PLXNB3: variants seen among roughly 807,000 people sequenced by gnomAD.
PLXNB3 encodes plexin B3, also known as plexin-B3.
Under a neutral mutation model 125.7 loss-of-function variants are expected in PLXNB3, and 80 were observed. The observed-to-expected ratio is 0.64, with a 90% CI of 0.53 to 0.77. PLXNB3 has a LOEUF of 0.77. PLXNB3 is among the 30% of genes least tolerant of loss of function. PLXNB3 has a pLI of 0.00. For missense variants in PLXNB3, 1,836 were observed against 1,729.3 expected, an observed-to-expected ratio of 1.06 and a Z score of -1.09; for synonymous variants, 954 against 783.3, an observed-to-expected ratio of 1.22 and a Z score of -3.64.
intron 29 of PLXNB3, 92 bp from the exon 30 acceptor site, chrX:153,777,116 C>T: frequency 9.6e-7 from 1 of 1,046,402 alleles, no homozygotes; most frequent in Non-Finnish European, 1.3e-6. Flanking sequence ...CTTCCAGTCC[C>T]CACACTGCCC....
Position 153,779,051 on chromosome X carries a change from G to C in PLXNB3, c.*12G>C. The C allele has an allele frequency of 8.9e-7, 1 of 1,121,052 alleles. No homozygotes were observed. Among genetic ancestry groups the C allele is most frequent in the Non-Finnish European group, 1.2e-6 (1 of 833,835 alleles). The allele number at this position is 1,121,052 out of a possible 1,213,427, so 92.4% of individuals were successfully genotyped here. A position where few individuals can be genotyped will look rare whatever the true frequency, so the allele number is the denominator to read the frequency against. ...TGACTGACCTGTGAGCTCTGGCTCA[G>C]ACAGCAGCAAGCCGGATCCACCAAC... On this transcript the variant is annotated 3_prime_UTR_variant, in exon 36 of 36. Coordinates refer to ENST00000361971, the MANE Select transcript of PLXNB3 (RefSeq NM_005393.3).
chrX:153,777,576 G>C lies in PLXNB3; in HGVS notation c.5149G>C (p.Val1717Leu), dbSNP rs142300328. 1 of 1,210,632 alleles carries C rather than the reference G, an allele frequency of 8.3e-7. No individual in the cohort carries two copies. The highest frequency in any genetic ancestry group is 1.7e-5 in the African/African-American group (1 of 57,542). The change falls in exon 31 of 36, where the codon GTG becomes CTG. Residue 1717 changes from valine to leucine, a missense_variant. Coordinates refer to ENST00000361971, the MANE Select transcript of PLXNB3 (RefSeq NM_005393.3). ...CGACACCTTCCAGGCCATTCTCAGC[G>C]TGAACCGGCCCATCCCCATCGCCGT... ...VDDTFQAILS[V>L]NRPIPIAVKY...
chrX:153,773,964 G>T lies in PLXNB3; in HGVS notation c.3385G>T (p.Val1129Leu). The change falls in exon 20 of 36, where the codon GTG becomes TTG. Residue 1129 changes from valine (V) to leucine (L), a missense_variant. By Grantham distance (32) the Val-to-Leu change is conservative. Coordinates refer to ENST00000361971, the MANE Select transcript of PLXNB3 (RefSeq NM_005393.3). ...PQRVFFTLDNVQVDFASASGG... is the reference protein window; with the variant it reads ...PQRVFFTLDNLQVDFASASGG... ...GCGGGTCTTCTTCACCCTAGACAAC[G>T]TGCAAGTGGACTTCGCCAGTGCCAG... The T allele has an allele frequency of 8.3e-7, 1 of 1,210,635 alleles. No homozygotes were observed. Among genetic ancestry groups the T allele is most frequent in the African/African-American group, 1.7e-5 (1 of 57,987 alleles).
intron 26 of PLXNB3, 21 bp from the exon 27 acceptor site, chrX:153,775,866 C>T (rs369749622): frequency 7.1e-5 from 85 of 1,191,630 alleles, no homozygotes; most frequent in Non-Finnish European, 9.1e-5. Flanking sequence ...TGGCTGATGC[C>T]GGCTCATCTT....
At position 153,769,040 on chromosome X, in the gene PLXNB3, C is replaced by T. The variant is rs781816521; in HGVS notation, c.1359C>T (p.Ser453=). The change falls in exon 5 of 36, where the codon AGC becomes AGT. Residue 453 remains serine, a synonymous_variant. Transcript: ENST00000361971. ...SAISPDLLLD[S]SGSHLYVLTA... is the part of the protein sequence containing the mutation. Reference sequence around the variant, plus strand: ...TCAGCCCAGACCTGCTGCTGGACAGCAGTGGCAGTCACCTCTATGTCCTGA... The same window carrying T: ...TCAGCCCAGACCTGCTGCTGGACAGTAGTGGCAGTCACCTCTATGTCCTGA... 8.3e-7 allele frequency: 1 copy of T among 1,210,903 alleles called. No individual in the cohort carries two copies. The highest frequency in any genetic ancestry group is 1.1e-6 in the Non-Finnish European group (1 of 894,710).
chrX:153,773,162 G>T, intron 17 of PLXNB3, 68 bp from the exon 18 acceptor site: 1 of 1,109,323 alleles, frequency 9.0e-7, no homozygotes, highest in Non-Finnish European at 1.2e-6. Flanking sequence ...CTCCTACGGG[G>T]GTTGGGCCAG....
At position 153,771,476 on chromosome X, in the gene PLXNB3, C is replaced by T. The variant is rs2091929547; in HGVS notation, c.2348-10C>T. ...AGGAGGCGCTCAGCACACTGCCTGA[C>T]CCTCCCTAGTGATCCTGTACGACTG... On this transcript the variant is annotated splice_polypyrimidine_tract_variant and intron_variant, in intron 13 of 35. Transcript: ENST00000361971. 1.7e-6 allele frequency: 2 copies of T among 1,207,488 alleles called. No homozygotes were observed. Among genetic ancestry groups the T allele is most frequent in the Non-Finnish European group, 2.2e-6 (2 of 893,186 alleles).
intron 14 of PLXNB3, 21 bp from the exon 15 acceptor site, chrX:153,771,843 G>A (rs1359886145): frequency 3.3e-6 from 4 of 1,201,744 alleles, no homozygotes; most frequent in Admixed American, 2.2e-5. Flanking sequence ...GACCCCATCT[G>A]CCATCATTTG....
In PLXNB3 at chrX:153,770,598, G is replaced by A. The variant is rs1557061397; in HGVS notation, c.1966G>A (p.Glu656Lys). 8.3e-7 allele frequency: 1 copy of A among 1,210,813 alleles called. No individual in the cohort carries two copies. Among genetic ancestry groups the A allele is most frequent in the East Asian group, 3.0e-5 (1 of 33,802 alleles). ...CPQSSHCVYG[E>K]HCPEGERTIY... The stretch of plus-strand genomic sequence containing the variant: ...GCAGAGTAGCCACTGCGTGTACGGA[G>A]AGCACTGCCCAGAGGGCGAGAGGAC... Residue 656 changes from glutamate to lysine, a missense_variant, in exon 10 of 36, where the codon GAG becomes AAG. Glu to Lys is a moderately conservative substitution (Grantham distance 56, BLOSUM62 1). Transcript: ENST00000361971.
intron 7 of PLXNB3, 51 bp downstream of exon 7, chrX:153,769,990 G>C: frequency 1.7e-6 from 2 of 1,191,626 alleles, no homozygotes; most frequent in Non-Finnish European, 2.3e-6. Context: ...CCACTGCCTG[G>C]AGCATGAACC....
chrX:153,770,420 C>G lies in PLXNB3; in HGVS notation c.1869C>G (p.Ala623=). 3 of 1,210,115 alleles carry G rather than the reference C, an allele frequency of 2.5e-6. No homozygotes were observed. Among genetic ancestry groups the G allele is most frequent in the Non-Finnish European group, 3.4e-6 (3 of 894,421 alleles). The change falls in exon 9 of 36, where the codon GCC becomes GCG. Residue 623 remains alanine, a synonymous_variant. Coordinates refer to ENST00000361971, the MANE Select transcript of PLXNB3 (RefSeq NM_005393.3). ...ACTTCTCCTTTTATGACTGCAGTGCCGTCCAGGCCTTGGAGGCGGCTGCCC... is the reference window on the plus strand; with the variant it reads ...ACTTCTCCTTTTATGACTGCAGTGCGGTCCAGGCCTTGGAGGCGGCTGCCC... The part of the protein sequence containing the change: ...ATNFSFYDCS[A]VQALEAAAPC...
At chrX:153,778,723 C>G in intron 35 of PLXNB3, 49 bp downstream of exon 35, 1 of 1,145,773 alleles carries the variant, frequency 8.7e-7, no homozygotes, top group Non-Finnish European at 1.2e-6. Context: ...GCGGGAGGCC[C>G]GTGGACCCTC....
rs782154430 is a variant in PLXNB3, at chrX:153,774,352, C to T, written c.3678+8C>T. 2.4e-5 allele frequency: 28 copies of T among 1,155,657 alleles called. No homozygotes were observed. Among genetic ancestry groups the T allele is most frequent in the South Asian group, 9.6e-5 (5 of 52,122 alleles). Reference sequence around the variant, plus strand: ...GGCCTGCCACAGTTCGTGGTGAGTCCGTGCCCTGGGTGGGCAGGTGGACCG... The same window carrying T: ...GGCCTGCCACAGTTCGTGGTGAGTCTGTGCCCTGGGTGGGCAGGTGGACCG... On this transcript the variant is annotated splice_region_variant and intron_variant, in intron 21 of 35. Transcript: ENST00000361971.
chrX:153,770,328 C>T lies in PLXNB3; in HGVS notation c.1787-10C>T. On this transcript the variant is annotated splice_polypyrimidine_tract_variant and intron_variant, in intron 8 of 35. Transcript: ENST00000361971. Reference sequence around the variant, plus strand: ...ACCTGACCTGTCCTGCCCCCACTGTCCCCTCCCAGACCACGTCACTGTGCC... The same window carrying T: ...ACCTGACCTGTCCTGCCCCCACTGTTCCCTCCCAGACCACGTCACTGTGCC... 2 of 1,205,132 alleles carry T rather than the reference C, an allele frequency of 1.7e-6. No homozygotes were observed. Among genetic ancestry groups the T allele is most frequent in the Non-Finnish European group, 2.2e-6 (2 of 890,490 alleles).
Position 153,779,108 on chromosome X carries a change from C to A in PLXNB3, c.*69C>A. The A allele has an allele frequency of 1.2e-6, 1 of 806,689 alleles. No homozygotes were observed. Among genetic ancestry groups the A allele is most frequent in the African/African-American group, 2.1e-5 (1 of 48,508 alleles). 66.5% of individuals were successfully genotyped at this position (806,689 alleles called of 1,213,427 possible). A position where few individuals can be genotyped will look rare whatever the true frequency, so the allele number is the denominator to read the frequency against. The stretch of plus-strand genomic sequence containing the variant: ...GCGCCTTATGACCCCGGAACCGAGC[C>A]AGCCACTGAGGGGAGCTGGCAGAGC... On this transcript the variant is annotated 3_prime_UTR_variant, in exon 36 of 36. Transcript: ENST00000361971.
Position 153,773,579 on chromosome X carries a change from T to C in PLXNB3, c.3145T>C (p.Ser1049Pro). The change falls in exon 19 of 36, where the codon TCT (serine) becomes CCT (proline). Residue 1049 changes from serine (S) to proline (P), a missense_variant. Transcript: ENST00000361971. ...GLDVVQRPLL[S>P]VWLEADAEVQ... ...AGACGTGGTGCAGCGGCCCCTACTG[T>C]CTGTGTGGCTGGAGGCTGACGCAGA... 8.3e-7 allele frequency: 1 copy of C among 1,206,469 alleles called. No individual in the cohort carries two copies. The highest frequency in any genetic ancestry group is 1.1e-6 in the Non-Finnish European group (1 of 893,260).
chrX:153,771,795 G>A (rs782646522), intron 14 of PLXNB3, 69 bp from the exon 15 acceptor site: 189 of 1,157,043 alleles, frequency 1.6e-4, no homozygotes, highest in Admixed American at 5.9e-4. Flanking sequence ...TTGGCTGGCC[G>A]GGCACCCAGC....
chrX:153,775,741 C>T, intron 26 of PLXNB3, 81 bp downstream of exon 26: 3 of 1,092,114 alleles, frequency 2.7e-6, no homozygotes, highest in African/African-American at 1.8e-5. Flanking sequence ...ACTGCCTGCG[C>T]CCTACGTGAC....
Position 153,779,084 on chromosome X carries a change from C to A in PLXNB3, c.*45C>A. 1.1e-6 allele frequency: 1 copy of A among 949,285 alleles called. No individual in the cohort carries two copies. Among genetic ancestry groups the A allele is most frequent in the Non-Finnish European group, 1.4e-6 (1 of 697,368 alleles). 78.2% of individuals were successfully genotyped at this position (949,285 alleles called of 1,213,427 possible). ...CAAGCCGGATCCACCAACACCGCAG[C>A]GCCTTATGACCCCGGAACCGAGCCA... On this transcript the variant is annotated 3_prime_UTR_variant, in exon 36 of 36. Transcript: ENST00000361971.
Sources: allele counts gnomAD v4.1 joint callset, GRCh38; gene constraint gnomAD v4.1.1; transcripts MANE v1.5; gene names NCBI Gene and HGNC (gene_info 2026-07-23, HGNC 2026-07-21).